The following FAM3C variants were observed in gnomAD, a reference collection of about 807,000 sequenced individuals.
FAM3C encodes FAM3 metabolism regulating signaling molecule C, also known as protein FAM3C.
Under a neutral mutation model 32.5 loss-of-function variants are expected in FAM3C, and 15 were observed. The observed-to-expected ratio is 0.46, with a 90% CI of 0.31 to 0.71. The LOEUF is 0.71. Ranked by LOEUF, FAM3C falls within the 30% of genes least tolerant of loss-of-function variation. The pLI is 0.05. For missense variants in FAM3C, 175 were observed against 274.4 expected, an observed-to-expected ratio of 0.64 and a Z score of 2.56; for synonymous variants, 75 against 86.1, an observed-to-expected ratio of 0.87 and a Z score of 0.72.
At chr7:121,354,175 CCT>C (rs1793764060) in intron 8 of FAM3C, among the ~76,000 whole-genome samples, 1 of 151,950 alleles carries the variant, frequency 6.6e-6, no homozygotes, top group African/African-American at 2.4e-5. Flanking sequence ...TCAAAATGCC[CCT>C]TTTTTAAAAA....
At chr7:121,364,213 AT>A in intron 5 of FAM3C, 25 bp from the exon 6 acceptor site, 1 of 1,430,276 alleles carries the variant, frequency 7.0e-7, no homozygotes, top group Non-Finnish European at 9.8e-7. Context: ...ATTGAAATAA[AT>A]TTAGAATTAA....
chr7:121,350,338 A>G lies in FAM3C; in HGVS notation c.*123T>C. ...ATAAATAATCCTGATATCAAAAGAGACAATACTCATGCACACACCAAGATG... is the reference window on the plus strand; with the variant it reads ...ATAAATAATCCTGATATCAAAAGAGGCAATACTCATGCACACACCAAGATG... On this transcript the variant is annotated 3_prime_UTR_variant, in exon 10 of 10. Transcript: ENST00000359943. 1 of 934,416 alleles carries G rather than the reference A, an allele frequency of 1.1e-6. No homozygotes were observed. The highest frequency in any genetic ancestry group is 1.5e-5 in the South Asian group (1 of 68,770). 57.9% of individuals were successfully genotyped at this position (934,416 alleles called of 1,614,324 possible).
At chr7:121,354,866 T>G (rs146869013) in intron 8 of FAM3C, among the ~76,000 whole-genome samples, 1 of 152,196 alleles carries the variant, frequency 6.6e-6, no homozygotes, top group African/African-American at 2.4e-5. Context: ...TTGCTAACAC[T>G]TCCAGAAAAA....
chr7:121,388,424 T>G (rs919688989), intron 1 of FAM3C, among the ~76,000 whole-genome samples: 1 of 151,974 alleles, frequency 6.6e-6, no homozygotes, highest in Non-Finnish European at 1.5e-5. Flanking sequence ...AAAACAAAAT[T>G]GGGGGTGTGG....
intron 1 of FAM3C, among the ~76,000 whole-genome samples, chr7:121,393,951 G>A (rs1299934659): frequency 2.6e-5 from 4 of 152,136 alleles, no homozygotes; most frequent in Admixed American, 1.3e-4. Flanking sequence ...TACCAAGGTC[G>A]CACAAAAATC....
chr7:121,379,432 A>C (rs1219174453), intron 2 of FAM3C, among the ~76,000 whole-genome samples: 2 of 152,066 alleles, frequency 1.3e-5, no homozygotes, highest in Non-Finnish European at 2.9e-5. Flanking sequence ...TGCTAAGGCC[A>C]CAATGTCCAC....
chr7:121,351,745 A>G (rs1211175539), intron 8 of FAM3C, among the ~76,000 whole-genome samples: 1 of 152,218 alleles, frequency 6.6e-6, no homozygotes, highest in Non-Finnish European at 1.5e-5. Flanking sequence ...TTTAAAAGAA[A>G]ATGAATTTTG....
intron 8 of FAM3C, among the ~76,000 whole-genome samples, chr7:121,357,661 T>C (rs950242400): frequency 6.6e-6 from 1 of 152,152 alleles, no homozygotes; most frequent in African/African-American, 2.4e-5. Context: ...CTCAATTCAT[T>C]TAAATTCACA....
At chr7:121,359,967 A>AT (rs3837124) in intron 8 of FAM3C, 76 bp downstream of exon 8, 309,777 of 750,732 alleles carry the variant, frequency 0.41, 57,360 homozygotes, top group African/African-American at 0.78. Flanking sequence ...TATGTTACAG[A>AT]TTTTTTTTTA....
chr7:121,358,812 T>A (rs1793865052), intron 8 of FAM3C, among the ~76,000 whole-genome samples: 1 of 151,866 alleles, frequency 6.6e-6, no homozygotes, highest in Non-Finnish European at 1.5e-5. Context: ...AGTCTAAAAT[T>A]CTAAAATTCA....
intron 7 of FAM3C, chr7:121,362,587 C>A: frequency 3.5e-6 from 1 of 289,476 alleles, no homozygotes; most frequent in Non-Finnish European, 6.3e-6. Context: ...ATTTTAGACA[C>A]ACTTAAAGGA....
chr7:121,380,758 ACAC>A (rs1794333923), intron 2 of FAM3C, among the ~76,000 whole-genome samples: 1 of 109,862 alleles, frequency 9.1e-6, no homozygotes. Flanking sequence ...TATATATATG[ACAC>A]TCACATATAC....
intron 1 of FAM3C, among the ~76,000 whole-genome samples, chr7:121,390,110 T>A (rs1258675970): frequency 6.6e-6 from 1 of 152,218 alleles, no homozygotes; most frequent in African/African-American, 2.4e-5. Context: ...TGTAATTTTT[T>A]AAAATCTCAT....
chr7:121,384,415 TTC>T (rs1418748285), intron 1 of FAM3C, among the ~76,000 whole-genome samples: 1 of 152,234 alleles, frequency 6.6e-6, no homozygotes. Flanking sequence ...CTCTGTTGGC[TTC>T]TGGCAAAACT....
At chr7:121,351,474 A>C in intron 8 of FAM3C, 1 of 487,746 alleles carries the variant, frequency 2.1e-6, no homozygotes, top group Non-Finnish European at 3.6e-6. Flanking sequence ...ATTAATTTTA[A>C]GTTTATTCTA....
chr7:121,357,531 CCTTT>C (rs1289379857), intron 8 of FAM3C, among the ~76,000 whole-genome samples: 9 of 152,004 alleles, frequency 5.9e-5, no homozygotes, highest in African/African-American at 1.9e-4. Context: ...ATGTAGATTG[CCTTT>C]CTTAAGGATG....
chr7:121,394,241 T>C (rs953289200), intron 1 of FAM3C, among the ~76,000 whole-genome samples: 8 of 152,246 alleles, frequency 5.3e-5, no homozygotes, highest in Non-Finnish European at 8.8e-5. Context: ...AGTCTTCTGA[T>C]ACCCCCTCAG....
chr7:121,356,039 GA>G (rs11347177), intron 8 of FAM3C, among the ~76,000 whole-genome samples: 37,240 of 132,970 alleles, frequency 0.28, 5,545 homozygotes, highest in African/African-American at 0.46. Context: ...CAGTGGTTTA[GA>G]AAAAAAAAAA....
chr7:121,377,664 TCAA>T (rs1458654258), intron 3 of FAM3C, among the ~76,000 whole-genome samples: 1 of 152,186 alleles, frequency 6.6e-6, no homozygotes, highest in African/African-American at 2.4e-5. Context: ...GACATTTCAG[TCAA>T]CAACAGACCA....
Sources: gnomAD v4.1 joint callset for allele counts (sites outside exome capture counted in the v4.1 genomes callset) on GRCh38, gnomAD v4.1.1 for gene constraint, MANE v1.5 for transcripts, NCBI Gene and HGNC (gene_info 2026-07-23, HGNC 2026-07-21) for gene names.